Variants in LYPLAL1 observed in about 807,000 individuals in gnomAD.
LYPLAL1 encodes lysophospholipase-like protein 1.
LYPLAL1 carries 23 observed loss-of-function variants against 19.7 expected under a neutral mutation model. That is an observed-to-expected ratio of 1.17 (90% CI 0.84 to 1.65). The LOEUF is 1.65. Ranked by LOEUF, LYPLAL1 falls within the 40% of genes most tolerant of loss-of-function variation. LYPLAL1 has a pLI of 0.00. For synonymous variants in LYPLAL1, 119 were observed against 96.3 expected, an observed-to-expected ratio of 1.24 and a Z score of -1.38; for missense variants, 355 against 279.4, an observed-to-expected ratio of 1.27 and a Z score of -1.93.
chr1:219,374,042 G>A, the LYPLAL1 span, among the ~76,000 whole-genome samples: 1 of 151,888 alleles, frequency 6.6e-6, no homozygotes, highest in African/African-American at 2.4e-5. Flanking sequence ...AATAGTGGCT[G>A]CTGTGCATAT....
the LYPLAL1 span, among the ~76,000 whole-genome samples, chr1:219,310,654 A>G: frequency 3.3e-5 from 5 of 152,320 alleles, no homozygotes; most frequent in African/African-American, 1.2e-4. Flanking sequence ...AGTAGGGGGG[A>G]AATGAAATAA....
At chr1:219,288,369 A>G in the LYPLAL1 span, among the ~76,000 whole-genome samples, 1 of 152,192 alleles carries the variant, frequency 6.6e-6, no homozygotes, top group African/African-American at 2.4e-5. Flanking sequence ...AGCCAATCTG[A>G]AAAGGCCATA....
At chr1:219,371,134 T>C in the LYPLAL1 span, among the ~76,000 whole-genome samples, 1 of 152,166 alleles carries the variant, frequency 6.6e-6, no homozygotes, top group Non-Finnish European at 1.5e-5. Context: ...AGGCAGATAT[T>C]TGTCACGAAA....
At chr1:219,332,119 C>T in the LYPLAL1 span, among the ~76,000 whole-genome samples, 2 of 152,146 alleles carry the variant, frequency 1.3e-5, no homozygotes, top group Non-Finnish European at 2.9e-5. Context: ...TTTAAGAAAA[C>T]TGGCAGCTTC....
At chr1:219,347,214 A>G in the LYPLAL1 span, among the ~76,000 whole-genome samples, 4 of 152,166 alleles carry the variant, frequency 2.6e-5, no homozygotes, top group Non-Finnish European at 5.9e-5. Flanking sequence ...ATTTCTGGAC[A>G]AGCTGCTATG....
chr1:219,325,096 A>G, the LYPLAL1 span, among the ~76,000 whole-genome samples: 1 of 152,202 alleles, frequency 6.6e-6, no homozygotes, highest in East Asian at 1.9e-4. Flanking sequence ...GAAAGTAAAT[A>G]AATGAATACC....
the LYPLAL1 span, among the ~76,000 whole-genome samples, chr1:219,388,495 A>G: frequency 4.6e-5 from 7 of 152,218 alleles, no homozygotes; most frequent in Middle Eastern, 3.4e-3. Context: ...TCCAATTCCA[A>G]ACTCTAAAAA....
the LYPLAL1 span, among the ~76,000 whole-genome samples, chr1:219,231,665 C>T: frequency 6.6e-6 from 1 of 152,080 alleles, no homozygotes; most frequent in South Asian, 2.1e-4. Flanking sequence ...TAAAAAGGAT[C>T]ATTCATTTTT....
the LYPLAL1 span, among the ~76,000 whole-genome samples, chr1:219,339,606 A>G: frequency 6.6e-6 from 1 of 152,060 alleles, no homozygotes; most frequent in Admixed American, 6.6e-5. Flanking sequence ...CTAGTCTTCT[A>G]TTAACACTGG....
At chr1:219,397,373 T>G in the LYPLAL1 span, among the ~76,000 whole-genome samples, 1 of 152,194 alleles carries the variant, frequency 6.6e-6, no homozygotes. Context: ...GCCTGAAGGT[T>G]TCTTTTTTTG....
intron 3 of LYPLAL1, among the ~76,000 whole-genome samples, chr1:219,197,990 T>G (rs1014320002): frequency 6.6e-6 from 1 of 152,116 alleles, no homozygotes; most frequent in African/African-American, 2.4e-5. Flanking sequence ...GAGAAAAATA[T>G]AACACAAGAC....
At chr1:219,391,891 C>T in the LYPLAL1 span, among the ~76,000 whole-genome samples, 9 of 152,176 alleles carry the variant, frequency 5.9e-5, no homozygotes, top group African/African-American at 1.9e-4. Flanking sequence ...GCACCTCTTT[C>T]CTTTTGACAC....
At chr1:219,263,868 C>T in the LYPLAL1 span, among the ~76,000 whole-genome samples, 5 of 152,122 alleles carry the variant, frequency 3.3e-5, no homozygotes, top group African/African-American at 1.2e-4. Flanking sequence ...TGGGAACTCA[C>T]AGTTTTTTGG....
the LYPLAL1 span, among the ~76,000 whole-genome samples, chr1:219,337,053 T>G: frequency 6.6e-6 from 1 of 152,014 alleles, no homozygotes; most frequent in Non-Finnish European, 1.5e-5. Context: ...GGCCTGTGAC[T>G]GCATTACATC....
intron 2 of LYPLAL1, among the ~76,000 whole-genome samples, chr1:219,192,751 AT>A (rs374481003): frequency 6.6e-6 from 1 of 151,208 alleles, no homozygotes; most frequent in East Asian, 1.9e-4. Flanking sequence ...ATGTGTGTGT[AT>A]TTTTTTTAAC....
At chr1:219,324,287 C>T in the LYPLAL1 span, among the ~76,000 whole-genome samples, 4 of 152,166 alleles carry the variant, frequency 2.6e-5, no homozygotes, top group South Asian at 2.1e-4. Flanking sequence ...AGTGTGACCA[C>T]GAGTTCTCCT....
the LYPLAL1 span, among the ~76,000 whole-genome samples, chr1:219,399,171 CG>C: frequency 4.0e-5 from 6 of 151,886 alleles, no homozygotes; most frequent in Admixed American, 1.3e-4. Flanking sequence ...TGAGCTGGGG[CG>C]GGGGGGCCTC....
chr1:219,334,185 G>A, the LYPLAL1 span, among the ~76,000 whole-genome samples: 2 of 152,000 alleles, frequency 1.3e-5, no homozygotes, highest in African/African-American at 2.4e-5. Context: ...AAAAAGGAGA[G>A]AGAATACATT....
Position 219,211,606 on chromosome 1 carries a change from G to A in LYPLAL1, c.592G>A (p.Gly198Arg). 1 of 1,613,348 alleles carries A rather than the reference G, an allele frequency of 6.2e-7. No individual in the cohort carries two copies. The highest frequency in any genetic ancestry group is 1.1e-5 in the South Asian group (1 of 91,062). Residue 198 changes from glycine (G) to arginine (R), a missense_variant, in exon 5 of 5, where the codon GGA becomes AGA. By Grantham distance (125) the Gly-to-Arg change is moderately radical (BLOSUM62 -2). Transcript: ENST00000366928. ...GACAAACTCAATGTTAAAATCTCTA[G>A]GAGTGACCACGAAGTTTCATAGTTT... ...EETNSMLKSLGVTTKFHSFPN... is the reference protein window; with the variant it reads ...EETNSMLKSLRVTTKFHSFPN...
Sources: allele counts gnomAD v4.1 joint callset (sites outside exome capture counted in the v4.1 genomes callset), GRCh38; gene constraint gnomAD v4.1.1; transcripts MANE v1.5; gene names NCBI Gene and HGNC (gene_info 2026-07-23, HGNC 2026-07-21).